NRG4: variants seen among roughly 807,000 people sequenced by gnomAD.
The protein encoded by NRG4 is pro-neuregulin-4, membrane-bound isoform.
In NRG4, 10 loss-of-function variants were observed where a neutral mutation model predicts 15.0. The observed-to-expected ratio is 0.67, with a 90% CI of 0.41 to 1.13. The LOEUF is 1.13. Ranked by LOEUF, NRG4 falls within the 50% of genes most tolerant of loss-of-function variation. The pLI, the probability that NRG4 is intolerant of heterozygous loss-of-function variation, is 0.00. For missense variants in NRG4, 139 were observed against 140.2 expected, an observed-to-expected ratio of 0.99 and a Z score of 0.04; for synonymous variants, 41 against 50.1, an observed-to-expected ratio of 0.82 and a Z score of 0.77.
intron 4 of NRG4, among the ~76,000 whole-genome samples, chr15:76,050,437 G>GTT (rs71444951): frequency 0.015 from 1,337 of 91,880 alleles, 66 homozygotes; most frequent in East Asian, 0.027. Context: ...CCGAGCCTTC[G>GTT]TTTTTTTTTT....
At chr15:75,937,508 CA>C (rs58256641), downstream of NRG4, 800 of 83,134 alleles carry the variant, frequency 9.6e-3, 3 homozygotes, top group African/African-American at 0.027. Flanking sequence ...GACTCTGTCT[CA>C]AAAAAAAAAA....
At chr15:76,051,240 C>T (rs1463850186) in intron 4 of NRG4, among the ~76,000 whole-genome samples, 4 of 149,592 alleles carry the variant, frequency 2.7e-5, no homozygotes, top group East Asian at 3.9e-4. Context: ...CTCCTGACCT[C>T]GTGATCCGCC....
At chr15:75,937,213 TAAAA>T (rs562505830), downstream of NRG4, 8 of 141,306 alleles carry the variant, frequency 5.7e-5, no homozygotes, top group African/African-American at 1.8e-4. Flanking sequence ...ATCAAAACAT[TAAAA>T]AAAAAAAAGA....
chr15:75,973,578 G>C lies in NRG4; in HGVS notation c.105-11604C>G, dbSNP rs180812545. Among the ~76,000 whole-genome samples the C allele has an allele frequency of 3.0e-3, 459 of 152,252 alleles. 3 individuals carry two copies. Among genetic ancestry groups the C allele is most frequent in the African/African-American group, 0.011 (444 of 41,544 alleles). ...CTCATTGAGAGTTTTTAGCATGAAGGGGTGTTGAATTTTATTGAAGGCCTT... is the reference window on the plus strand; with the variant it reads ...CTCATTGAGAGTTTTTAGCATGAAGCGGTGTTGAATTTTATTGAAGGCCTT... On this transcript the variant is annotated intron_variant, in intron 3 of 5. Transcript: ENST00000394907.
At chr15:76,028,742 A>T (rs148603431) in intron 5 of NRG4, among the ~76,000 whole-genome samples, 12 of 152,150 alleles carry the variant, frequency 7.9e-5, no homozygotes, top group Admixed American at 4.6e-4. Flanking sequence ...TCTATTAAAA[A>T]TACACACATT....
chr15:75,937,358 A>AC (rs1567060610), downstream of NRG4: 1 of 149,602 alleles, frequency 6.7e-6, no homozygotes, highest in Non-Finnish European at 1.5e-5. Context: ...AAGTACACAA[A>AC]ATTAGCTGGG....
chr15:75,969,645 G>A (rs2032999610), intron 3 of NRG4, among the ~76,000 whole-genome samples: 1 of 152,156 alleles, frequency 6.6e-6, no homozygotes, highest in Non-Finnish European at 1.5e-5. Flanking sequence ...CCTGCCATGT[G>A]TGCTTACTGT....
At chr15:75,956,256 T>C (rs1398280172) in intron 4 of NRG4, among the ~76,000 whole-genome samples, 1 of 152,214 alleles carries the variant, frequency 6.6e-6, no homozygotes, top group Non-Finnish European at 1.5e-5. Flanking sequence ...ATAGATCATC[T>C]GTGGGGACCA....
At chr15:75,964,648 G>A (rs933522412) in intron 3 of NRG4, among the ~76,000 whole-genome samples, 3 of 152,166 alleles carry the variant, frequency 2.0e-5, no homozygotes, top group South Asian at 2.1e-4. Context: ...AATTCAGGCC[G>A]GGCACAGTGG....
intron 4 of NRG4, among the ~76,000 whole-genome samples, chr15:76,044,662 C>T (rs983370451): frequency 1.0e-4 from 15 of 148,848 alleles, no homozygotes; most frequent in Admixed American, 6.0e-4. Context: ...GGTGAAACCC[C>T]GTCTCTACTA....
chr15:76,042,700 G>T lies in NRG4; in HGVS notation c.-104-6709C>A, dbSNP rs184735127. On this transcript the variant is annotated intron_variant, in intron 4 of 8. Coordinates refer to the NRG4 transcript ENST00000563910. ...CAACAAAGGAAAGCCGGAGACCTCT[G>T]ACTTCACTGCTGAATTTTATCAAAC... 2.6e-4 allele frequency among the ~76,000 whole-genome samples: 40 copies of T among 152,192 alleles called. No individual in the cohort carries two copies. The East Asian group carries it at 6.7e-3, about 26-fold the overall frequency.
chr15:76,016,177 G>A (rs2034969230), upstream of NRG4, among the ~76,000 whole-genome samples: 1 of 152,014 alleles, frequency 6.6e-6, no homozygotes, highest in Non-Finnish European at 1.5e-5. Flanking sequence ...ATATTTCTGT[G>A]GGATCAGTGG....
chr15:75,971,027 G>C, intron 3 of NRG4: 1 of 230,502 alleles, frequency 4.3e-6, no homozygotes, highest in South Asian at 4.9e-5. Flanking sequence ...TTGTCTTCGA[G>C]CTATTTTACA....
intron 3 of NRG4, among the ~76,000 whole-genome samples, chr15:75,976,416 G>A (rs762330787): frequency 1.2e-4 from 19 of 152,156 alleles, no homozygotes; most frequent in African/African-American, 2.2e-4. Flanking sequence ...GAGAAGAGGC[G>A]TTCTGGCTTT....
upstream of NRG4, among the ~76,000 whole-genome samples, chr15:76,016,852 T>C (rs1434981267): frequency 6.6e-6 from 1 of 152,202 alleles, no homozygotes; most frequent in Non-Finnish European, 1.5e-5. Flanking sequence ...TTAGGTCCAC[T>C]TGGTCCAGAG....
At chr15:75,992,326 G>C (rs1017265448) in intron 3 of NRG4, among the ~76,000 whole-genome samples, 1 of 152,002 alleles carries the variant, frequency 6.6e-6, no homozygotes, top group Non-Finnish European at 1.5e-5. Context: ...ATCCCTTTCT[G>C]TGGACTCAAG....
chr15:75,941,987 T>A lies in NRG4; in HGVS notation c.*1651A>T, dbSNP rs1056128134. On this transcript the variant is annotated 3_prime_UTR_variant, in exon 6 of 6. Transcript: ENST00000394907. ...TATGGCCTAGCTTTTTTTTTTTTTT[T>A]TAAAAAGGGCAGGGGGTGGGGTATT... 7 of 150,040 alleles carry A rather than the reference T, an allele frequency of 4.7e-5. No homozygotes were observed. The highest frequency in any genetic ancestry group is 1.7e-4 in the African/African-American group (7 of 41,040). 9.3% of individuals were successfully genotyped at this position (150,040 alleles called of 1,614,324 possible).
intron 3 of NRG4, among the ~76,000 whole-genome samples, chr15:75,980,380 G>A (rs2033555576): frequency 1.1e-5 from 1 of 90,102 alleles, no homozygotes; most frequent in Non-Finnish European, 2.4e-5. Flanking sequence ...TTTTTCTTTG[G>A]GGATTTTTTT....
At chr15:76,001,412 G>A (rs1334790650) in intron 3 of NRG4, among the ~76,000 whole-genome samples, 1 of 152,020 alleles carries the variant, frequency 6.6e-6, no homozygotes, top group Non-Finnish European at 1.5e-5. Context: ...CAATATAAAA[G>A]TTATTGAGAT....
Sources: allele counts gnomAD v4.1 joint callset (sites outside exome capture counted in the v4.1 genomes callset), GRCh38; gene constraint gnomAD v4.1.1; transcripts MANE v1.5; gene names NCBI Gene and HGNC (gene_info 2026-07-23, HGNC 2026-07-21).